Variants in PLEKHG5 observed in about 807,000 individuals in gnomAD.
PLEKHG5 encodes the protein pleckstrin homology domain-containing family G member 5.
Under a neutral mutation model 103.8 loss-of-function variants are expected in PLEKHG5, and 52 were observed. The ratio of observed to expected loss-of-function variants is 0.50; its 90% CI spans 0.40 to 0.63. The LOEUF (loss-of-function observed/expected upper bound fraction) is 0.63. Ranked by LOEUF, PLEKHG5 falls within the 30% of genes least tolerant of loss-of-function variation. The pLI, the probability that PLEKHG5 is intolerant of heterozygous loss-of-function variation, is 0.00. For missense variants in PLEKHG5, 1,205 were observed against 1,347.6 expected, an observed-to-expected ratio of 0.89 and a Z score of 1.66; for synonymous variants, 592 against 575.5, an observed-to-expected ratio of 1.03 and a Z score of -0.41.
intron 1 of PLEKHG5, chr1:6,485,549 C>A: frequency 9.1e-7 from 1 of 1,102,470 alleles, no homozygotes. Flanking sequence ...GCGGGGACCC[C>A]GGGGAGGGCC....
At position 6,477,650 on chromosome 1, in the gene PLEKHG5, G is replaced by C; in HGVS notation, c.-79C>G. On this transcript the variant is annotated 5_prime_UTR_variant, in exon 2 of 21. Transcript: ENST00000377728. ...GGTGCAGCTGCTGGCAGTCGGCGTG[G>C]TGACATACCTGGGGTGGGGACAGAA... 6.2e-7 allele frequency: 1 copy of C among 1,603,724 alleles called. No homozygotes were observed. The highest frequency in any genetic ancestry group is 8.5e-7 in the Non-Finnish European group (1 of 1,179,910).
rs550914822 is a variant in PLEKHG5, at chr1:6,483,731, A to C, written c.-87-6073T>G. 2.7e-3 allele frequency among the ~76,000 whole-genome samples: 412 copies of C among 152,290 alleles called. 1 individual carries two copies. The highest frequency in any genetic ancestry group is 9.1e-3 in the African/African-American group (379 of 41,546). On this transcript the variant is annotated intron_variant, in intron 1 of 20. Transcript: ENST00000377728. The stretch of plus-strand genomic sequence containing the variant: ...CAGCCAGGGCTCTACCCACACCCTC[A>C]CCCTGAATCCACAGCGCACTGCTGA...
In PLEKHG5 at chr1:6,490,773, A is replaced by AG. The variant is rs1645138300; in HGVS notation, c.-88+863dup. Among the ~76,000 whole-genome samples the AG allele has an allele frequency of 6.8e-6, 1 of 146,016 alleles. No individual in the cohort carries two copies. ...GTAATCCAGGATCCGGGCTCAGGGG[A>AG]GGGGGTGGGGGGCGTCACTGTCCCC... is the stretch of plus-strand genomic sequence containing the variant. On this transcript the variant is annotated intron_variant, in intron 1 of 20. Coordinates refer to ENST00000377728, the MANE Select transcript of PLEKHG5 (RefSeq NM_020631.6). This position sits in a 1 kb window ranked among gnomAD's most constrained non-coding sequence, Gnocchi z 8.0.
chr1:6,515,883 C>A (rs1217783501), intron 1 of PLEKHG5, among the ~76,000 whole-genome samples: 2 of 152,114 alleles, frequency 1.3e-5, no homozygotes, highest in East Asian at 3.9e-4. Context: ...TGCCTGGTGA[C>A]CACATAAGGA....
In PLEKHG5 at chr1:6,504,897, G is replaced by C. The variant is rs7412784; in HGVS notation, c.-164-8328C>G. ...ACCTCCCTTTTCAAAACCCTTCGCT[G>C]TATGGTCTGCGGGCTCCCTCTTGCC... On this transcript the variant is annotated intron_variant, in intron 1 of 21. Transcript: ENST00000377740. Among the ~76,000 whole-genome samples the C allele has an allele frequency of 5.5e-4, 84 of 152,272 alleles. 2 individuals are homozygous for C. In the South Asian group the frequency reaches 0.016, roughly 29 times the overall value.
At chr1:6,478,934 G>A (rs1053875749) in intron 1 of PLEKHG5, among the ~76,000 whole-genome samples, 9 of 152,146 alleles carry the variant, frequency 5.9e-5, no homozygotes, top group African/African-American at 9.7e-5. Context: ...GTGAGCCACC[G>A]CGCCCAGACT....
In PLEKHG5 at chr1:6,490,403, A is replaced by AC. The variant is rs533132855; in HGVS notation, c.-88+1233dup. The AC allele has an allele frequency of 7.1e-4, 690 of 973,572 alleles. 20 individuals carry two copies. The South Asian group carries it at 0.029, about 41-fold the overall frequency. The allele number at this position is 973,572 out of a possible 1,614,324, so 60.3% of individuals were successfully genotyped here. A position where few individuals can be genotyped will look rare whatever the true frequency, so the allele number is the denominator to read the frequency against. On this transcript the variant is annotated intron_variant, in intron 1 of 20. Transcript: ENST00000377728. This position sits in a 1 kb window ranked among gnomAD's most constrained non-coding sequence, Gnocchi z 8.0. Reference sequence around the variant, plus strand: ...TAGGGGGGTCCTGGCGCCTAGTCCCACCCCCCGTCCGGAGCGCAGCTCCCA... The same window carrying AC: ...TAGGGGGGTCCTGGCGCCTAGTCCCACCCCCCCGTCCGGAGCGCAGCTCCCA...
intron 1 of PLEKHG5, among the ~76,000 whole-genome samples, chr1:6,510,807 C>T (rs1037377518): frequency 2.0e-5 from 3 of 152,152 alleles, no homozygotes; most frequent in Non-Finnish European, 4.4e-5. Flanking sequence ...CAATTCTGGG[C>T]TGGGCACAGT....
intron 1 of PLEKHG5, among the ~76,000 whole-genome samples, chr1:6,511,420 G>A (rs146426294): frequency 2.6e-4 from 39 of 152,336 alleles, no homozygotes; most frequent in African/African-American, 7.9e-4. Flanking sequence ...CCTAAGCCCC[G>A]ACTAGGGTGA....
At chr1:6,493,830 T>G (rs751242618), upstream of PLEKHG5, among the ~76,000 whole-genome samples, 2 of 152,046 alleles carry the variant, frequency 1.3e-5, no homozygotes, top group African/African-American at 2.4e-5. Context: ...TAATTATTTT[T>G]TATATTTTTG....
chr1:6,477,755 C>T (rs970801537), intron 1 of PLEKHG5, 97 bp from the exon 2 acceptor site: 3 of 1,341,150 alleles, frequency 2.2e-6, no homozygotes, highest in Non-Finnish European at 3.1e-6. Context: ...AACTGCCCTC[C>T]ATCTCTCGAT....
chr1:6,470,569 C>G lies in PLEKHG5; in HGVS notation c.1617G>C (p.Ala539=). The change falls in exon 15 of 21, where the codon GCG becomes GCC. Residue 539 remains alanine (A), a synonymous_variant. Transcript: ENST00000377728. ...AGGCGTCGATGCGGCTCACCACGGCCGCCAGCCGCTGCCGCTCCTGCCGCT... is the reference window on the plus strand; with the variant it reads ...AGGCGTCGATGCGGCTCACCACGGCGGCCAGCCGCTGCCGCTCCTGCCGCT... ...MRQRQERQRL[A]AVVSRIDAYE... 2 of 1,583,948 alleles carry G rather than the reference C, an allele frequency of 1.3e-6. No individual in the cohort carries two copies. The highest frequency in any genetic ancestry group is 1.7e-6 in the Non-Finnish European group (2 of 1,172,264).
chr1:6,520,051 G>T, upstream of PLEKHG5: 1 of 195,684 alleles, frequency 5.1e-6, no homozygotes, highest in South Asian at 9.9e-5. Flanking sequence ...TGGTCACAGC[G>T]GGAGATCAAG....
In PLEKHG5 at chr1:6,473,040, G is replaced by T. The variant is rs1033703090; in HGVS notation, c.930C>A (p.Asp310Glu). 2 of 1,614,074 alleles carry T rather than the reference G, an allele frequency of 1.2e-6. No homozygotes were observed. The highest frequency in any genetic ancestry group is 1.3e-5 in the African/African-American group (1 of 75,066). The change falls in exon 9 of 21, where the codon GAC (aspartate) becomes GAA (glutamate). Residue 310 changes from aspartate (D) to glutamate (E), a missense_variant. Asp to Glu is a conservative substitution (Grantham distance 45, BLOSUM62 2). Coordinates refer to ENST00000377728, the MANE Select transcript of PLEKHG5 (RefSeq NM_020631.6). Reference sequence around the variant, plus strand: ...TGTCCTCCAGCCTCAGGCAGGCATTGTCCTCATCCTCGTCTTCATCGTACT... The same window carrying T: ...TGTCCTCCAGCCTCAGGCAGGCATTTTCCTCATCCTCGTCTTCATCGTACT... ...EEEYDEDEDE[D>E]NACLRLEDSW...
intron 12 of PLEKHG5, 48 bp downstream of exon 12, chr1:6,471,440 C>A: frequency 3.2e-6 from 5 of 1,583,900 alleles, no homozygotes; most frequent in Non-Finnish European, 4.3e-6. Flanking sequence ...CTTTTCGGCG[C>A]CCCAGCCCTG....
chr1:6,473,093 G>A lies in PLEKHG5; in HGVS notation c.877C>T (p.Arg293Cys), dbSNP rs374645103. The A allele has an allele frequency of 6.8e-6, 11 of 1,613,760 alleles. No individual in the cohort carries two copies. The highest frequency in any genetic ancestry group is 3.3e-5 in the Admixed American group (2 of 60,008). ...TCCTCCCAGGAGTCATGGTCGAAGC[G>A]CAGCCCCCGGGGCAGCCTGGGCAGC... Reference protein sequence around the residue: ...FGLPRLPRGLRFDHDSWEEEY... With the variant: ...FGLPRLPRGLCFDHDSWEEEY... Residue 293 changes from arginine (R) to cysteine (C), a missense_variant, in exon 9 of 21, where the codon CGC (arginine) becomes TGC (cysteine). Coordinates refer to ENST00000377728, the MANE Select transcript of PLEKHG5 (RefSeq NM_020631.6).
At chr1:6,481,066 C>T (rs971921004) in intron 1 of PLEKHG5, among the ~76,000 whole-genome samples, 2 of 152,180 alleles carry the variant, frequency 1.3e-5, no homozygotes, top group Non-Finnish European at 2.9e-5. Flanking sequence ...AAGCGTGCCA[C>T]TGCCCAGCCA....
rs1645134429 is a variant in PLEKHG5, at chr1:6,490,649, C to T, written c.-88+988G>A. The T allele has an allele frequency of 1.0e-6, 1 of 973,032 alleles. No individual in the cohort carries two copies. The highest frequency in any genetic ancestry group is 1.2e-6 in the Non-Finnish European group (1 of 818,764). 60.3% of individuals were successfully genotyped at this position (973,032 alleles called of 1,614,324 possible). On this transcript the variant is annotated intron_variant, in intron 1 of 20. Coordinates refer to ENST00000377728, the MANE Select transcript of PLEKHG5 (RefSeq NM_020631.6). This position sits in a 1 kb window ranked among gnomAD's most constrained non-coding sequence, Gnocchi z 8.0. ...ACCACCTGGACCGGCCGGGATGTAC[C>T]AACGGCGCCGCCCGGCTGGGACCGG...
At chr1:6,497,510 G>C (rs1352019599), upstream of PLEKHG5, 2 of 168,832 alleles carry the variant, frequency 1.2e-5, no homozygotes, top group African/African-American at 4.8e-5. The surrounding 1 kb of genome is among the most constrained non-coding windows in gnomAD (Gnocchi z 6.1). Flanking sequence ...AGCGCGGCCG[G>C]GCCTCGGCGC....
Sources: gnomAD v4.1 joint callset for allele counts (sites outside exome capture counted in the v4.1 genomes callset) on GRCh38, gnomAD v4.1.1 for gene constraint, Gnocchi (gnomAD v3.1) non-coding constraint, MANE v1.5 for transcripts, NCBI Gene and HGNC (gene_info 2026-07-23, HGNC 2026-07-21) for gene names.